Variants in SLC38A12 observed in about 807,000 individuals in gnomAD.
SLC38A12 encodes putative sodium-coupled neutral amino acid transporter 12.
chr17:74,777,937 T>C, the SLC38A12 span, among the ~76,000 whole-genome samples: 2 of 152,168 alleles, frequency 1.3e-5, no homozygotes, highest in African/African-American at 4.8e-5. Context: ...ATAATGTTCA[T>C]CTCCAGGCTA....
chr17:74,784,788 C>A, the SLC38A12 span, among the ~76,000 whole-genome samples: 2 of 151,378 alleles, frequency 1.3e-5, no homozygotes, highest in South Asian at 4.2e-4. Flanking sequence ...GGTGGGCAAG[C>A]GGGGAGGGAA....
chr17:74,825,747 T>A, the SLC38A12 span, among the ~76,000 whole-genome samples: 2 of 152,228 alleles, frequency 1.3e-5, no homozygotes, highest in African/African-American at 4.8e-5. Context: ...TCACTCGTGG[T>A]TGTGGGTCGA....
the SLC38A12 span, among the ~76,000 whole-genome samples, chr17:74,808,143 G>A: frequency 2.9e-4 from 44 of 152,254 alleles, no homozygotes; most frequent in Non-Finnish European, 5.0e-4. Context: ...CACACAGGCA[G>A]GCAGCTTGTC....
chr17:74,795,430 C>A, the SLC38A12 span: 1 of 1,079,904 alleles, frequency 9.3e-7, no homozygotes, highest in Non-Finnish European at 1.4e-6. Context: ...TGATTGTTGG[C>A]GCTCAGGCAG....
chr17:74,827,073 T>G, the SLC38A12 span, among the ~76,000 whole-genome samples: 1 of 152,082 alleles, frequency 6.6e-6, no homozygotes, highest in Non-Finnish European at 1.5e-5. This position sits in a 1 kb window ranked among gnomAD's most constrained non-coding sequence, Gnocchi z 4.7. Flanking sequence ...GGATCACTAG[T>G]ATCATCCAGT....
chr17:74,801,538 G>A, the SLC38A12 span, among the ~76,000 whole-genome samples: 1 of 152,188 alleles, frequency 6.6e-6, no homozygotes, highest in Non-Finnish European at 1.5e-5. Flanking sequence ...GCCAGGTCCT[G>A]TTTGTCCCAC....
At chr17:74,782,109 C>T in the SLC38A12 span, among the ~76,000 whole-genome samples, 230 of 152,292 alleles carry the variant, frequency 1.5e-3, 1 homozygote, top group African/African-American at 5.3e-3. Flanking sequence ...TGTTTTCTTC[C>T]CAGGCTGGAG....
At chr17:74,829,952 C>T in the SLC38A12 span, among the ~76,000 whole-genome samples, 3 of 152,310 alleles carry the variant, frequency 2.0e-5, no homozygotes, top group East Asian at 1.9e-4. The surrounding 1 kb of genome is among the most constrained non-coding windows in gnomAD (Gnocchi z 4.1). Flanking sequence ...CGTCCCTCTC[C>T]GTACCTGCAG....
the SLC38A12 span, chr17:74,838,274 C>CA: frequency 2.0e-6 from 2 of 985,934 alleles, no homozygotes; most frequent in Middle Eastern, 5.2e-4. Flanking sequence ...GCCCCTTCTC[C>CA]ATCTATCATT....
the SLC38A12 span, among the ~76,000 whole-genome samples, chr17:74,825,629 C>A: frequency 2.0e-5 from 3 of 152,220 alleles, no homozygotes; most frequent in Non-Finnish European, 4.4e-5. Context: ...GATCTGTGTA[C>A]GGCCGAGATG....
chr17:74,783,800 G>A, the SLC38A12 span, among the ~76,000 whole-genome samples: 1 of 130,290 alleles, frequency 7.7e-6, no homozygotes, highest in Non-Finnish European at 1.5e-5. Flanking sequence ...GCGCAATCTT[G>A]GCTCACTGCA....
At chr17:74,789,979 G>C in the SLC38A12 span, among the ~76,000 whole-genome samples, 1 of 145,262 alleles carries the variant, frequency 6.9e-6, no homozygotes, top group Non-Finnish European at 1.5e-5. Context: ...TTGAGACAGG[G>C]TCTTCGCTCT....
At chr17:74,827,264 C>T in the SLC38A12 span, among the ~76,000 whole-genome samples, 1 of 151,808 alleles carries the variant, frequency 6.6e-6, no homozygotes, top group South Asian at 2.1e-4. This position sits in a 1 kb window ranked among gnomAD's most constrained non-coding sequence, Gnocchi z 4.7. Flanking sequence ...TGCCCTGTCT[C>T]ACTCCAACCC....
At chr17:74,835,110 C>T in the SLC38A12 span, among the ~76,000 whole-genome samples, 4 of 152,340 alleles carry the variant, frequency 2.6e-5, no homozygotes, top group East Asian at 7.7e-4. Context: ...ATCAGCAACG[C>T]AAGCTGTTTG....
the SLC38A12 span, among the ~76,000 whole-genome samples, chr17:74,828,086 G>A: frequency 6.6e-6 from 1 of 152,224 alleles, no homozygotes; most frequent in Non-Finnish European, 1.5e-5. Flanking sequence ...GCCCTGGCAT[G>A]TTGATTCTCT....
At chr17:74,786,360 C>G in the SLC38A12 span, among the ~76,000 whole-genome samples, 2 of 151,472 alleles carry the variant, frequency 1.3e-5, no homozygotes, top group African/African-American at 2.4e-5. Context: ...CTGGAAACAC[C>G]TCCCCTGAGA....
chr17:74,833,459 G>A, the SLC38A12 span, among the ~76,000 whole-genome samples: 3 of 152,232 alleles, frequency 2.0e-5, no homozygotes, highest in East Asian at 1.9e-4. Context: ...GTGTACAGCC[G>A]TCTCATTTCT....
the SLC38A12 span, among the ~76,000 whole-genome samples, chr17:74,827,298 CTT>C: frequency 1.1e-4 from 16 of 140,306 alleles, no homozygotes; most frequent in Admixed American, 1.4e-4. This position sits in a 1 kb window ranked among gnomAD's most constrained non-coding sequence, Gnocchi z 4.7. Flanking sequence ...CAGTCATCTC[CTT>C]TTTTTTTTTT....
At chr17:74,830,231 G>A in the SLC38A12 span, among the ~76,000 whole-genome samples, 1 of 152,204 alleles carries the variant, frequency 6.6e-6, no homozygotes, top group Admixed American at 6.5e-5. Context: ...CTCCAATAAG[G>A]CCCCCTTCTT....
Sources: gnomAD v4.1 joint callset for allele counts (sites outside exome capture counted in the v4.1 genomes callset) on GRCh38, gnomAD v4.1.1 for gene constraint, Gnocchi (gnomAD v3.1) non-coding constraint, MANE v1.5 for transcripts, NCBI Gene and HGNC (gene_info 2026-07-23, HGNC 2026-07-21) for gene names.